Variants in ATP8A2 observed in about 807,000 individuals in gnomAD.
ATP8A2 encodes phospholipid-transporting ATPase IB.
In ATP8A2, 100 loss-of-function variants were observed where a neutral mutation model predicts 165.6. The ratio of observed to expected loss-of-function variants is 0.60; its 90% confidence interval spans 0.51 to 0.71. ATP8A2 has a LOEUF of 0.71. Among genes scored for constraint, ATP8A2 ranks in the 30% least tolerant of loss-of-function variants. The pLI, the probability that ATP8A2 is intolerant of heterozygous loss-of-function variation, is 0.00. For missense variants in ATP8A2, 1,227 were observed against 1,479.5 expected, an observed-to-expected ratio of 0.83 and a Z score of 2.80; for synonymous variants, 543 against 548.8, an observed-to-expected ratio of 0.99 and a Z score of 0.15.
At chr13:25,444,277 C>T (rs1251711324) in intron 1 of ATP8A2, among the ~76,000 whole-genome samples, 2 of 152,164 alleles carry the variant, frequency 1.3e-5, no homozygotes, top group Admixed American at 6.5e-5. Flanking sequence ...GATTGATCCC[C>T]ACCTGTTTAT....
chr13:25,718,011 G>A (rs909985719), intron 25 of ATP8A2, among the ~76,000 whole-genome samples: 1 of 152,160 alleles, frequency 6.6e-6, no homozygotes, highest in East Asian at 1.9e-4. Context: ...AAGTCCCCAG[G>A]GTTTCAGTGA....
chr13:25,707,617 G>T (rs968448902), intron 25 of ATP8A2, among the ~76,000 whole-genome samples: 1 of 152,182 alleles, frequency 6.6e-6, no homozygotes, highest in Non-Finnish European at 1.5e-5. Flanking sequence ...GAATAGACGT[G>T]GATAACATGT....
At chr13:25,697,609 TAGTA>T (rs1365847160) in intron 24 of ATP8A2, among the ~76,000 whole-genome samples, 1 of 152,188 alleles carries the variant, frequency 6.6e-6, no homozygotes, top group Non-Finnish European at 1.5e-5. Flanking sequence ...GATGAATAAA[TAGTA>T]AGAGGAAGAA....
chr13:25,558,681 C>T (rs1293304953), intron 13 of ATP8A2, among the ~76,000 whole-genome samples: 2 of 152,074 alleles, frequency 1.3e-5, no homozygotes, highest in Non-Finnish European at 2.9e-5. Context: ...TCAAATGTTA[C>T]GTGTAGAATG....
rs116769149 is a variant in ATP8A2 at position 25,729,237 on chromosome 13, C to G, written c.2384+29892C>G. ...TTTCATTTTAGGACTACAGGCTAAG[C>G]ATACTTAGTTATTACCTTGTAATAC... On this transcript the variant is annotated intron_variant, in intron 25 of 36. Transcript: ENST00000381655. Among the ~76,000 whole-genome samples the G allele has an allele frequency of 3.6e-3, 544 of 152,332 alleles. 6 individuals are homozygous for G. Among genetic ancestry groups the G allele is most frequent in the African/African-American group, 0.013 (524 of 41,588 alleles).
chr13:25,954,585 G>A (rs1423706690), intron 33 of ATP8A2, among the ~76,000 whole-genome samples: 1 of 152,198 alleles, frequency 6.6e-6, no homozygotes, highest in Non-Finnish European at 1.5e-5. Context: ...CTCAACAGGG[G>A]TTGACAGACA....
At chr13:25,530,422 AAAGT>A (rs2037994143) in intron 3 of ATP8A2, 136 bp from the exon 4 acceptor site, 1 of 656,242 alleles carries the variant, frequency 1.5e-6, no homozygotes. Context: ...GCTAGTTTTT[AAAGT>A]AAGGTAATTA....
intron 33 of ATP8A2, among the ~76,000 whole-genome samples, chr13:25,957,531 T>TTA (rs1277029289): frequency 3.9e-5 from 6 of 152,172 alleles, no homozygotes; most frequent in Non-Finnish European, 8.8e-5. Context: ...TCATCACTGG[T>TTA]CATTAGAGAA....
chr13:25,693,745 A>G (rs2137881040), intron 24 of ATP8A2, among the ~76,000 whole-genome samples: 1 of 152,214 alleles, frequency 6.6e-6, no homozygotes, highest in African/African-American at 2.4e-5. Flanking sequence ...GTTGGAGTGC[A>G]GTGGCACGAT....
intron 1 of ATP8A2, among the ~76,000 whole-genome samples, chr13:25,466,858 C>G (rs2035682265): frequency 6.6e-6 from 1 of 152,096 alleles, no homozygotes; most frequent in Non-Finnish European, 1.5e-5. Flanking sequence ...GACAGAGCAT[C>G]CATAAATAAA....
intron 1 of ATP8A2, among the ~76,000 whole-genome samples, chr13:25,465,665 T>TTCTC (rs1007693073): frequency 0.11 from 508 of 4,528 alleles, 9 homozygotes; most frequent in Middle Eastern, 0.25. Flanking sequence ...TTGCAGAGTT[T>TTCTC]TCTTTCTTTC....
chr13:25,675,776 C>T (rs963581372), intron 24 of ATP8A2, among the ~76,000 whole-genome samples: 1 of 151,994 alleles, frequency 6.6e-6, no homozygotes, highest in Non-Finnish European at 1.5e-5. Context: ...GACAAGCTCA[C>T]CTTTGACAGG....
At chr13:25,724,053 C>T in intron 25 of ATP8A2, among the ~76,000 whole-genome samples, 1 of 152,166 alleles carries the variant, frequency 6.6e-6, no homozygotes, top group South Asian at 2.1e-4. Flanking sequence ...CTCAGTCCTA[C>T]AGCTCTAAGG....
intron 24 of ATP8A2, among the ~76,000 whole-genome samples, chr13:25,684,016 T>C (rs1341949541): frequency 6.6e-6 from 1 of 152,242 alleles, no homozygotes; most frequent in African/African-American, 2.4e-5. Flanking sequence ...TCTCCAACTG[T>C]CTTAAGACTG....
At chr13:25,971,452 C>T (rs918040483) in intron 35 of ATP8A2, among the ~76,000 whole-genome samples, 1 of 152,072 alleles carries the variant, frequency 6.6e-6, no homozygotes, top group African/African-American at 2.4e-5. Context: ...TTGAGGGGTC[C>T]TGAGTGTTTT....
At chr13:25,886,890 G>A (rs1039009360) in intron 33 of ATP8A2, among the ~76,000 whole-genome samples, 16 of 152,100 alleles carry the variant, frequency 1.1e-4, no homozygotes, top group South Asian at 2.1e-4. Flanking sequence ...CTCATTGTAG[G>A]GTCAAATTTA....
At chr13:25,731,098 AAGAGAG>A (rs1321257688) in intron 25 of ATP8A2, among the ~76,000 whole-genome samples, 1 of 146,294 alleles carries the variant, frequency 6.8e-6, no homozygotes, top group African/African-American at 2.5e-5. Flanking sequence ...AGGAGAAAGA[AAGAGAG>A]AGAGAGGGAA....
At chr13:25,468,912 G>T in intron 1 of ATP8A2, 65 bp from the exon 2 acceptor site, 1 of 1,575,182 alleles carries the variant, frequency 6.3e-7, no homozygotes, top group Non-Finnish European at 8.6e-7. Context: ...GCCCGCGCTC[G>T]CAGCCTCCCG....
intron 2 of ATP8A2, among the ~76,000 whole-genome samples, chr13:25,512,486 C>T (rs112816968): frequency 0.17 from 25,743 of 151,226 alleles, 2,383 homozygotes; most frequent in African/African-American, 0.23. Context: ...ATCTCCCGGA[C>T]GGGGCGGCTG....
Sources: allele counts gnomAD v4.1 joint callset (sites outside exome capture counted in the v4.1 genomes callset), GRCh38; gene constraint gnomAD v4.1.1; transcripts MANE v1.5; gene names NCBI Gene and HGNC (gene_info 2026-07-23, HGNC 2026-07-21).